Variants in HDAC9 observed in about 807,000 individuals in gnomAD.
The protein encoded by HDAC9 is MEF-2 interacting transcription repressor (MITR) protein.
Under a neutral mutation model 139.4 loss-of-function variants are expected in HDAC9, and 41 were observed. That is an observed-to-expected ratio of 0.29 (90% CI 0.23 to 0.38). The LOEUF (loss-of-function observed/expected upper bound fraction) is 0.38, where lower values mean the gene tolerates loss of function less well. HDAC9 is among the 10% of genes least tolerant of loss of function. HDAC9 has a pLI of 1.00. For synonymous variants in HDAC9, 517 were observed against 476.2 expected (o/e 1.09, Z -1.12); for missense variants, 1,147 against 1,297.0 (o/e 0.88, Z 1.78).
intron 6 of HDAC9, among the ~76,000 whole-genome samples, chr7:18,613,936 G>A (rs960990425): frequency 2.4e-4 from 36 of 151,776 alleles, no homozygotes; most frequent in African/African-American, 8.7e-4. Flanking sequence ...TTTTACCACC[G>A]CGTCCTTTAA....
At chr7:18,661,812 T>C (rs1793250113) in intron 11 of HDAC9, among the ~76,000 whole-genome samples, 1 of 152,136 alleles carries the variant, frequency 6.6e-6, no homozygotes, top group Admixed American at 6.6e-5. Flanking sequence ...ATCAGAAGTG[T>C]AGATGAAGCC....
chr7:18,644,784 C>G lies in HDAC9; in HGVS notation c.1026C>G (p.Ser342=), dbSNP rs528663910. The change falls in exon 9 of 26, where the codon TCC becomes TCG. Residue 342 remains serine, a synonymous_variant. Coordinates refer to ENST00000686413, the MANE Select transcript of HDAC9 (RefSeq NM_178425.4). ...NITLGLPAVP[S]QLNASNSLKE... ...CCTTGGGGCTTCCCGCAGTGCCATC[C>G]CAGCTCAATGTAAGTCATTGCACAG... The G allele has an allele frequency of 2.2e-5, 35 of 1,610,990 alleles. 1 individual carries two copies. In the South Asian group the frequency reaches 3.4e-4, roughly 16 times the overall value.
At chr7:18,928,780 A>G (rs1430699893) in intron 22 of HDAC9, among the ~76,000 whole-genome samples, 1 of 152,012 alleles carries the variant, frequency 6.6e-6, no homozygotes, top group Non-Finnish European at 1.5e-5. Context: ...GGTCGATGGA[A>G]CTATGTATTT....
intron 24 of HDAC9, among the ~76,000 whole-genome samples, chr7:18,962,540 T>C (rs1783594640): frequency 6.6e-6 from 1 of 151,536 alleles, no homozygotes; most frequent in African/African-American, 2.4e-5. Context: ...GCGTCTGCAA[T>C]TTTTTTTTCA....
chr7:18,605,819 T>A (rs1298035448), intron 6 of HDAC9, among the ~76,000 whole-genome samples: 1 of 152,198 alleles, frequency 6.6e-6, no homozygotes. Context: ...TAGCTGGGAC[T>A]ACAGGCGCCC....
chr7:18,462,027 C>G (rs1384557953), intron 1 of HDAC9, among the ~76,000 whole-genome samples: 1 of 151,952 alleles, frequency 6.6e-6, no homozygotes, highest in African/African-American at 2.4e-5. Context: ...TATGTTTTGA[C>G]TAAGTATTTC....
Position 18,585,357 on chromosome 7 carries a change from G to A in HDAC9, c.99G>A (p.Met33Ile). 2.5e-6 allele frequency: 4 copies of A among 1,612,898 alleles called. No individual in the cohort carries two copies. The highest frequency in any genetic ancestry group is 3.4e-6 in the Non-Finnish European group (4 of 1,179,300). Residue 33 changes from methionine to isoleucine, a missense_variant, in exon 3 of 26, where the codon ATG becomes ATA. Around this residue, in one of 7 missense-constraint regions of HDAC9, gnomAD observed 136 missense variants for 183.5 expected, o/e 0.74. Transcript: ENST00000686413. Reference protein sequence around the residue: ...PLDLRTDLRMMMPVVDPVVRE... With the variant: ...PLDLRTDLRMIMPVVDPVVRE... ...ACCTAAGGACAGACCTCAGGATGAT[G>A]ATGCCCGTGGTGGACCCTGTTGTCC...
intron 13 of HDAC9, among the ~76,000 whole-genome samples, chr7:18,740,475 G>C (rs1284056929): frequency 6.6e-6 from 1 of 152,204 alleles, no homozygotes. Flanking sequence ...ACCCAATCAA[G>C]ACAGTGAACT....
At chr7:18,737,063 G>C (rs1463259194) in intron 13 of HDAC9, among the ~76,000 whole-genome samples, 1 of 152,164 alleles carries the variant, frequency 6.6e-6, no homozygotes, top group Non-Finnish European at 1.5e-5. Context: ...TTGTATTTCT[G>C]TGGGATTGGT....
chr7:18,328,250 G>T (rs929303776), intron 1 of HDAC9, among the ~76,000 whole-genome samples: 12 of 151,916 alleles, frequency 7.9e-5, no homozygotes, highest in Non-Finnish European at 1.5e-4. Context: ...ACGTGGAATT[G>T]CCTTTACTCG....
chr7:18,111,778 T>G (rs1342728820), intron 1 of HDAC9, among the ~76,000 whole-genome samples: 1 of 152,280 alleles, frequency 6.6e-6, no homozygotes, highest in South Asian at 2.1e-4. Flanking sequence ...TAAAGGTGTA[T>G]GGAAAGGGTT....
intron 2 of HDAC9, among the ~76,000 whole-genome samples, chr7:18,526,972 A>C (rs552691638): frequency 6.6e-6 from 1 of 152,182 alleles, no homozygotes; most frequent in Non-Finnish European, 1.5e-5. Flanking sequence ...TACATTCTAG[A>C]GATTATAACA....
At chr7:18,973,453 G>C (rs1305900406) in intron 24 of HDAC9, among the ~76,000 whole-genome samples, 1 of 152,144 alleles carries the variant, frequency 6.6e-6, no homozygotes, top group East Asian at 1.9e-4. Flanking sequence ...TTTTCAACTT[G>C]GGTAATACTA....
intron 16 of HDAC9, among the ~76,000 whole-genome samples, chr7:18,781,035 C>G (rs1366938617): frequency 6.6e-6 from 1 of 151,992 alleles, no homozygotes; most frequent in Non-Finnish European, 1.5e-5. Context: ...GATTTGATTT[C>G]TCCTAAGGCT....
intron 1 of HDAC9, among the ~76,000 whole-genome samples, chr7:18,440,254 G>A (rs1791630830): frequency 6.7e-6 from 1 of 148,402 alleles, no homozygotes; most frequent in South Asian, 2.1e-4. Context: ...GTGCGATCTC[G>A]GCTCACCGCA....
intron 15 of HDAC9, among the ~76,000 whole-genome samples, chr7:18,766,338 C>T (rs768035935): frequency 2.0e-5 from 3 of 151,988 alleles, no homozygotes; most frequent in Admixed American, 1.3e-4. Context: ...TAGTAGATAA[C>T]GTAGAAAATA....
intron 22 of HDAC9, among the ~76,000 whole-genome samples, chr7:18,931,102 C>A (rs1399492935): frequency 1.3e-5 from 2 of 152,046 alleles, no homozygotes; most frequent in Non-Finnish European, 2.9e-5. Flanking sequence ...ACAGAAAAAG[C>A]GGTCTAGAAT....
chr7:18,845,334 T>A (rs1796838050), intron 21 of HDAC9, among the ~76,000 whole-genome samples: 1 of 152,034 alleles, frequency 6.6e-6, no homozygotes, highest in Non-Finnish European at 1.5e-5. Context: ...TAAACATACT[T>A]TAGAAGAGAA....
In HDAC9 at chr7:18,732,818, T is replaced by TACAC. The variant is rs1562892831; in HGVS notation, c.1909+5061_1909+5062insACAC. Among the ~76,000 whole-genome samples the TACAC allele has an allele frequency of 8.9e-4, 78 of 87,892 alleles. 10 individuals carry two copies. The highest frequency in any genetic ancestry group is 0.012 in the Middle Eastern group (2 of 164). The allele number at this position is 87,892 out of a possible 152,430, so 57.7% of individuals were successfully genotyped here. ...TTGTGTGCGTATGTGTACACACACG[T>TACAC]GTGTATGTGTGCGTATGTGTACACA... On this transcript the variant is annotated intron_variant, in intron 13 of 25. Transcript: ENST00000686413.
Sources: gnomAD v4.1 joint callset for allele counts (sites outside exome capture counted in the v4.1 genomes callset) on GRCh38, gnomAD v4.1.1 for gene constraint, gnomAD v4.1.1 regional missense constraint, MANE v1.5 for transcripts, NCBI Gene and HGNC (gene_info 2026-07-23, HGNC 2026-07-21) for gene names.